The following PPP1R16A variants were observed in gnomAD, a reference collection of about 807,000 sequenced individuals.
The protein encoded by PPP1R16A is protein phosphatase 1 regulatory subunit 16A, also known as myosin phosphatase-targeting subunit 3.
In PPP1R16A, 39 loss-of-function variants were observed where a neutral mutation model predicts 46.6. The observed-to-expected ratio is 0.84, with a 90% CI of 0.65 to 1.09. PPP1R16A has a LOEUF of 1.09. Among genes scored for constraint, PPP1R16A ranks in the 50% least tolerant of loss-of-function variants. The probability of loss-of-function intolerance (pLI) is 0.00; values close to 1 mark genes in which losing one functional copy is unlikely to be tolerated. For missense variants in PPP1R16A, 798 were observed against 735.6 expected (o/e 1.08, Z -0.98); for synonymous variants, 413 against 321.5 (o/e 1.28, Z -3.04).
intron 10 of PPP1R16A, 77 bp downstream of exon 10, chr8:144,501,048 C>T (rs572639218): frequency 6.5e-7 from 1 of 1,530,386 alleles, no homozygotes; most frequent in Admixed American, 2.0e-5. Flanking sequence ...GCCAGCCGAA[C>T]TGGGGGCAGA....
At chr8:144,501,378 C>T in intron 11 of PPP1R16A, 84 bp downstream of exon 11, 1 of 1,492,322 alleles carries the variant, frequency 6.7e-7, no homozygotes, top group Non-Finnish European at 8.9e-7. Flanking sequence ...CCCCCTCCTG[C>T]CTGTGTCAGG....
chr8:144,484,193 T>A (rs192976491), intron 1 of PPP1R16A, among the ~76,000 whole-genome samples: 4 of 152,366 alleles, frequency 2.6e-5, no homozygotes, highest in Non-Finnish European at 5.9e-5. Flanking sequence ...CAGCCCCACC[T>A]AGACCGAAAG....
At chr8:144,496,415 T>C (rs1826070270) in intron 2 of PPP1R16A, 46 bp from the exon 3 acceptor site, 1 of 152,350 alleles carries the variant, frequency 6.6e-6, no homozygotes, top group Admixed American at 6.5e-5. Flanking sequence ...CGGGCCACCC[T>C]GCCTCAAGCC....
In PPP1R16A at chr8:144,501,795, C is replaced by G; in HGVS notation, c.1479C>G (p.Pro493=). The G allele has an allele frequency of 1.3e-6, 2 of 1,557,986 alleles. No individual in the cohort carries two copies. The highest frequency in any genetic ancestry group is 8.7e-7 in the Non-Finnish European group (1 of 1,151,950). ...EPGLPGDTVT[P]QPDCGFRAGG... is the part of the protein sequence containing the mutation. ...GCCTGCCTGGTGACACGGTGACCCC[C>G]CAGCCTGACTGTGGCTTCAGGGCAG... Residue 493 remains proline, a synonymous_variant, in exon 12 of 12, where the codon CCC becomes CCG. Coordinates refer to ENST00000435887, the MANE Select transcript of PPP1R16A (RefSeq NM_001329443.2).
At chr8:144,479,112 G>C (rs144850612) in intron 1 of PPP1R16A, 1 of 152,280 alleles carries the variant, frequency 6.6e-6, no homozygotes, top group African/African-American at 2.4e-5. Flanking sequence ...GGTTTCTCTG[G>C]GAGAAGGGTC....
chr8:144,491,788 CG>C (rs1564762682), intron 2 of PPP1R16A, among the ~76,000 whole-genome samples: 1 of 150,402 alleles, frequency 6.6e-6, no homozygotes, highest in East Asian at 2.0e-4. Context: ...AAAAGTTAGC[CG>C]GGTGTGGTGG....
Position 144,501,577 on chromosome 8 carries a change from C to T in PPP1R16A, c.1261C>T (p.Arg421Trp), listed in dbSNP as rs536288971. ...HNGRVGGSPVRHLYSKRLDRS... is the reference protein window; with the variant it reads ...HNGRVGGSPVWHLYSKRLDRS... Reference sequence around the variant, plus strand: ...TGGCCGAGTAGGGGGCTCCCCAGTGCGGCATCTATACTCCAAGCGACTAGA... The same window carrying T: ...TGGCCGAGTAGGGGGCTCCCCAGTGTGGCATCTATACTCCAAGCGACTAGA... The change falls in exon 12 of 12, where the codon CGG (arginine) becomes TGG (tryptophan). Residue 421 changes from arginine to tryptophan, a missense_variant. Physicochemically the swap from Arg to Trp is moderately radical, Grantham distance 101. Coordinates refer to ENST00000435887, the MANE Select transcript of PPP1R16A (RefSeq NM_001329443.2). 1.8e-5 allele frequency: 28 copies of T among 1,598,390 alleles called. No homozygotes were observed. In the Admixed American group the frequency reaches 2.7e-4, roughly 16 times the overall value.
Position 144,499,879 on chromosome 8 carries a change from C to T in PPP1R16A, c.477-217C>T, listed in dbSNP as rs1586760329. 6.8e-5 allele frequency: 38 copies of T among 559,716 alleles called. 1 individual carries two copies. In the East Asian group the frequency reaches 1.1e-3, roughly 16 times the overall value. 34.7% of individuals were successfully genotyped at this position (559,716 alleles called of 1,614,324 possible). A position where few individuals can be genotyped will look rare whatever the true frequency, so the allele number is the denominator to read the frequency against. ...CTGGAGGTGCCAGGAACCTGGATCC[C>T]TGGATGGATAGAGACTGCAGGAGGC... On this transcript the variant is annotated intron_variant, in intron 5 of 11. Transcript: ENST00000435887.
rs377104389 is a variant in PPP1R16A, at chr8:144,500,286, C to T, written c.600C>T (p.Ile200=). The T allele has an allele frequency of 8.4e-6, 13 of 1,548,758 alleles. No homozygotes were observed. Among genetic ancestry groups the T allele is most frequent in the Non-Finnish European group, 1.0e-5 (12 of 1,148,330 alleles). ...TCGCAGGCATCACCCAGGACAGCAT[C>T]GAGGCCGCCCGGGCCGTGCCAGAAC... ...MADRGITQDS[I]EAARAVPELR... Residue 200 remains isoleucine, a synonymous_variant, in exon 7 of 12, where the codon ATC becomes ATT. Coordinates refer to ENST00000435887, the MANE Select transcript of PPP1R16A (RefSeq NM_001329443.2).
Position 144,502,017 on chromosome 8 carries a change from A to G in PPP1R16A, c.*114A>G, listed in dbSNP as rs1212552855. The G allele has an allele frequency of 4.6e-6, 5 of 1,082,572 alleles. No individual in the cohort carries two copies. The highest frequency in any genetic ancestry group is 6.4e-6 in the Non-Finnish European group (5 of 779,960). The allele number at this position is 1,082,572 out of a possible 1,614,324, so 67.1% of individuals were successfully genotyped here. On this transcript the variant is annotated 3_prime_UTR_variant, in exon 12 of 12. Coordinates refer to ENST00000435887, the MANE Select transcript of PPP1R16A (RefSeq NM_001329443.2). ...ACGGAAACCCCGGCTTCTACTGTACAGGACACTGGCCCCTCTCAGGTCAGA... is the reference window on the plus strand; with the variant it reads ...ACGGAAACCCCGGCTTCTACTGTACGGGACACTGGCCCCTCTCAGGTCAGA...
chr8:144,482,893 G>T (rs146759622), intron 1 of PPP1R16A, among the ~76,000 whole-genome samples: 2,060 of 152,036 alleles, frequency 0.014, 24 homozygotes, highest in Non-Finnish European at 0.021. Flanking sequence ...TGGTCCACCC[G>T]CCTCAGCCTC....
At chr8:144,478,317 G>A in intron 1 of PPP1R16A, 190 bp downstream of exon 1, 1 of 380,024 alleles carries the variant, frequency 2.6e-6, no homozygotes, top group Non-Finnish European at 4.7e-6. Flanking sequence ...GGAGACCGAA[G>A]GGAGAGAGGA....
intron 2 of PPP1R16A, among the ~76,000 whole-genome samples, chr8:144,492,351 TTTGA>T (rs1271372497): frequency 2.7e-5 from 4 of 148,646 alleles, no homozygotes; most frequent in African/African-American, 7.7e-5. Context: ...TTTTTTTTTT[TTTGA>T]TAGGGAGTCT....
chr8:144,500,573 C>G lies in PPP1R16A; in HGVS notation c.792C>G (p.Asp264Glu), dbSNP rs756087551. 10 of 1,598,432 alleles carry G rather than the reference C, an allele frequency of 6.3e-6. No homozygotes were observed. The highest frequency in any genetic ancestry group is 8.5e-6 in the Non-Finnish European group (10 of 1,179,090). Residue 264 changes from aspartate to glutamate, a missense_variant, in exon 8 of 12, where the codon GAC becomes GAG. By Grantham distance (45) the Asp-to-Glu change is conservative. Coordinates refer to ENST00000435887, the MANE Select transcript of PPP1R16A (RefSeq NM_001329443.2). Reference sequence around the variant, plus strand: ...CCAGCCTGAGCGCTAAGGACCAAGACGGCTGGGAGCCGCTGCACGCCGCGG... The same window carrying G: ...CCAGCCTGAGCGCTAAGGACCAAGAGGGCTGGGAGCCGCTGCACGCCGCGG... ...HRASLSAKDQ[D>E]GWEPLHAAAY...
intron 1 of PPP1R16A, among the ~76,000 whole-genome samples, chr8:144,486,114 C>T (rs1320423949): frequency 6.6e-6 from 1 of 152,130 alleles, no homozygotes; most frequent in Admixed American, 6.5e-5. Context: ...ATAAAGTTGC[C>T]ATGAACATTT....
chr8:144,484,354 GC>G (rs1200257069), intron 1 of PPP1R16A, among the ~76,000 whole-genome samples: 1 of 152,226 alleles, frequency 6.6e-6, no homozygotes, highest in Non-Finnish European at 1.5e-5. Context: ...GGGGGTTATG[GC>G]CCATTAGAGC....
Position 144,501,631 on chromosome 8 carries a change from C to G in PPP1R16A, c.1315C>G (p.Leu439Val), listed in dbSNP as rs757590525. The G allele has an allele frequency of 6.2e-7, 1 of 1,610,906 alleles. No individual in the cohort carries two copies. The highest frequency in any genetic ancestry group is 2.2e-5 in the East Asian group (1 of 44,624). Residue 439 changes from leucine to valine, a missense_variant, in exon 12 of 12, where the codon CTG (leucine) becomes GTG (valine). Transcript: ENST00000435887. ...DRSVSYQLSP[L>V]DSTTPHTLVH... ...GAGTGTCTCCTACCAGCTGAGCCCC[C>G]TGGACAGCACCACCCCCCACACCCT... is the stretch of plus-strand genomic sequence containing the variant.
At position 144,501,176 on chromosome 8, in the gene PPP1R16A, G is replaced by A. The variant is rs777786200; in HGVS notation, c.1085G>A (p.Arg362His). The stretch of plus-strand genomic sequence containing the variant: ...CTAACCCAGCGCACCGACCTGTACC[G>A]CAAGCAGCACGCCCAGGAGGCCATC... ...VSLTQRTDLY[R>H]KQHAQEAIVW... Residue 362 changes from arginine (R) to histidine (H), a missense_variant, in exon 11 of 12, where the codon CGC (arginine) becomes CAC (histidine). Transcript: ENST00000435887. 1.9e-6 allele frequency: 3 copies of A among 1,610,504 alleles called. No individual in the cohort carries two copies. The highest frequency in any genetic ancestry group is 1.7e-6 in the Non-Finnish European group (2 of 1,179,636).
At position 144,500,162 on chromosome 8, in the gene PPP1R16A, G is replaced by A. The variant is rs745339297; in HGVS notation, c.543G>A (p.Gln181=). ...NMPYDLCDDE[Q]TLDCLETAMA... Reference sequence around the variant, plus strand: ...CCTATGACCTGTGTGATGATGAGCAGACGCTGGACTGCCTGGAGACTGCCA... The same window carrying A: ...CCTATGACCTGTGTGATGATGAGCAAACGCTGGACTGCCTGGAGACTGCCA... The change falls in exon 6 of 12, where the codon CAG becomes CAA. Residue 181 remains glutamine, a synonymous_variant. Coordinates refer to ENST00000435887, the MANE Select transcript of PPP1R16A (RefSeq NM_001329443.2). 15 of 1,611,880 alleles carry A rather than the reference G, an allele frequency of 9.3e-6. No homozygotes were observed. The highest frequency in any genetic ancestry group is 1.7e-5 in the Admixed American group (1 of 59,880).
Sources: gnomAD v4.1 joint callset for allele counts (sites outside exome capture counted in the v4.1 genomes callset) on GRCh38, gnomAD v4.1.1 for gene constraint, MANE v1.5 for transcripts, NCBI Gene and HGNC (gene_info 2026-07-23, HGNC 2026-07-21) for gene names.